PBX1: variants seen among roughly 807,000 people sequenced by gnomAD.
PBX1 encodes pre-B-cell leukemia transcription factor 1.
PBX1 carries 6 observed loss-of-function variants against 53.4 expected under a neutral mutation model. The observed-to-expected ratio is 0.11, with a 90% confidence interval of 0.06 to 0.22. The LOEUF (loss-of-function observed/expected upper bound fraction) is 0.22, where lower values mean the gene tolerates loss of function less well. PBX1 is among the 10% of genes least tolerant of loss of function. The pLI is 1.00. For missense variants in PBX1, 251 were observed against 551.4 expected, an observed-to-expected ratio of 0.46 and a Z score of 5.46; for synonymous variants, 204 against 212.3, an observed-to-expected ratio of 0.96 and a Z score of 0.34.
rs1312302678 is a variant in PBX1 at position 164,792,800 on chromosome 1, AC to A, written c.510+66del. 1.7e-4 allele frequency: 222 copies of A among 1,276,238 alleles called. No individual in the cohort carries two copies. The East Asian group carries it at 5.2e-3, about 30-fold the overall frequency. The allele number at this position is 1,276,238 out of a possible 1,614,324, so 79.1% of individuals were successfully genotyped here. On this transcript the variant is annotated intron_variant, in intron 3 of 8. Transcript: ENST00000420696. ...TTTAGGAAAGGGTGGAGGAAGCACA[AC>A]CCCGGGGCTTGCAGAGAGGAGCGGC... is the stretch of plus-strand genomic sequence containing the variant.
intron 2 of PBX1, among the ~76,000 whole-genome samples, chr1:164,625,131 G>C (rs980429430): frequency 1.3e-5 from 2 of 152,138 alleles, no homozygotes; most frequent in African/African-American, 4.8e-5. Flanking sequence ...CTGAATTCCA[G>C]AAACTTGATT....
In PBX1 at chr1:164,559,383, G is replaced by T. The variant is rs1057381999; in HGVS notation, c.-440G>T. 8.5e-5 allele frequency: 19 copies of T among 224,472 alleles called. No homozygotes were observed. The highest frequency in any genetic ancestry group is 1.4e-4 in the Non-Finnish European group (16 of 112,848). 13.9% of individuals were successfully genotyped at this position (224,472 alleles called of 1,614,324 possible). A position where few individuals can be genotyped will look rare whatever the true frequency, so the allele number is the denominator to read the frequency against. ...GGAAAGTTTGCATTGCAATCCCCCTGCCTTCCTCTCCTTTCTCCCGATCAA... is the reference window on the plus strand; with the variant it reads ...GGAAAGTTTGCATTGCAATCCCCCTTCCTTCCTCTCCTTTCTCCCGATCAA... On this transcript the variant is annotated 5_prime_UTR_variant, in exon 1 of 9. Coordinates refer to ENST00000420696, the MANE Select transcript of PBX1 (RefSeq NM_002585.4).
intron 2 of PBX1, among the ~76,000 whole-genome samples, chr1:164,569,863 T>A (rs1001057706): frequency 1.3e-5 from 2 of 152,148 alleles, no homozygotes; most frequent in African/African-American, 4.8e-5. Context: ...TGGCCCTGTT[T>A]CCCTTGCTAT....
At chr1:164,573,882 A>G (rs1337417572) in intron 2 of PBX1, among the ~76,000 whole-genome samples, 2 of 152,202 alleles carry the variant, frequency 1.3e-5, no homozygotes, top group Non-Finnish European at 2.9e-5. Flanking sequence ...GCCATAGAAT[A>G]GTTGTTCTGG....
intron 2 of PBX1, chr1:164,700,519 G>T: frequency 2.3e-5 from 23 of 985,340 alleles, no homozygotes; most frequent in Non-Finnish European, 2.8e-5. Flanking sequence ...GCAAATACTA[G>T]CTGTTTACCA....
intron 2 of PBX1, among the ~76,000 whole-genome samples, chr1:164,870,917 ACTC>A (rs1672368165): frequency 6.6e-6 from 1 of 151,696 alleles, no homozygotes; most frequent in South Asian, 2.1e-4. Context: ...AAACTCATCT[ACTC>A]CTCTATGGGA....
rs114144233 is a variant in PBX1, at chr1:164,797,512, G to C, written c.511-2187G>C. 1.9e-3 allele frequency among the ~76,000 whole-genome samples: 287 copies of C among 152,236 alleles called. 1 individual carries two copies. The highest frequency in any genetic ancestry group is 6.3e-3 in the African/African-American group (262 of 41,534). ...GGCTAGGGAATGAGCTTACTATATA[G>C]ATCTCGTGTTTATTTAGCACTTTTC... On this transcript the variant is annotated intron_variant, in intron 3 of 8. Transcript: ENST00000420696.
intron 2 of PBX1, among the ~76,000 whole-genome samples, chr1:164,582,440 G>A (rs77863156): frequency 1.1e-5 from 1 of 91,940 alleles, no homozygotes; most frequent in African/African-American, 4.2e-5. Context: ...TTTTTTTTTT[G>A]AGACGGAGTT....
At chr1:164,578,489 T>G (rs964158332) in intron 2 of PBX1, among the ~76,000 whole-genome samples, 1 of 152,248 alleles carries the variant, frequency 6.6e-6, no homozygotes, top group African/African-American at 2.4e-5. Context: ...GGTCTAATTA[T>G]TGCTTTAGCA....
At chr1:164,616,471 C>T (rs552538658) in intron 2 of PBX1, among the ~76,000 whole-genome samples, 3 of 152,252 alleles carry the variant, frequency 2.0e-5, no homozygotes, top group Admixed American at 2.0e-4. Flanking sequence ...GGTGTATCTC[C>T]CTTGAGAAAT....
intron 2 of PBX1, among the ~76,000 whole-genome samples, chr1:164,572,075 T>C (rs2101714639): frequency 6.6e-6 from 1 of 151,258 alleles, no homozygotes; most frequent in East Asian, 2.0e-4. Context: ...CCCAGCTGAT[T>C]TTTGTATTGT....
intron 2 of PBX1, among the ~76,000 whole-genome samples, chr1:164,691,196 G>A (rs988561386): frequency 2.0e-5 from 3 of 151,698 alleles, no homozygotes; most frequent in African/African-American, 7.3e-5. Flanking sequence ...TGTATTTTTT[G>A]TAGAGATGGG....
intron 2 of PBX1, among the ~76,000 whole-genome samples, chr1:164,593,638 G>T: frequency 1.5e-4 from 1 of 6,560 alleles, no homozygotes; most frequent in Admixed American, 4.0e-3. Context: ...GTGGGGGCTG[G>T]AAAAATAATA....
intron 6 of PBX1, among the ~76,000 whole-genome samples, 182 bp downstream of exon 6, chr1:164,812,331 C>G (rs564145005): frequency 1.3e-5 from 2 of 152,278 alleles, no homozygotes; most frequent in South Asian, 2.1e-4. Flanking sequence ...AAAGAGCAAT[C>G]TGTTAGACTT....
chr1:164,640,068 T>C (rs1780349), intron 2 of PBX1, among the ~76,000 whole-genome samples: 135,680 of 152,174 alleles, frequency 0.89, 62,651 homozygotes, highest in East Asian at 1. Flanking sequence ...CCAAGGAGTC[T>C]GAGCGTTCTA....
At chr1:164,585,830 A>G (rs73016985) in intron 2 of PBX1, among the ~76,000 whole-genome samples, 9 of 152,330 alleles carry the variant, frequency 5.9e-5, no homozygotes, top group South Asian at 2.1e-4. Flanking sequence ...TTTACATCCA[A>G]TGTTCATGGG....
At chr1:164,755,239 C>T (rs1314516155) in intron 2 of PBX1, among the ~76,000 whole-genome samples, 1 of 152,160 alleles carries the variant, frequency 6.6e-6, no homozygotes, top group East Asian at 1.9e-4. Context: ...TGACCTCCGC[C>T]TCCCGGTTTC....
At chr1:164,839,199 G>A (rs1671179807) in intron 8 of PBX1, among the ~76,000 whole-genome samples, 1 of 152,100 alleles carries the variant, frequency 6.6e-6, no homozygotes, top group Non-Finnish European at 1.5e-5. Context: ...CTGTCTCCTA[G>A]CACTTATTGC....
At chr1:164,728,792 C>T (rs1412235619) in intron 2 of PBX1, among the ~76,000 whole-genome samples, 1 of 152,186 alleles carries the variant, frequency 6.6e-6, no homozygotes, top group Non-Finnish European at 1.5e-5. Flanking sequence ...CTGCAGGATG[C>T]ATCTCTTTCC....
Sources: gnomAD v4.1 joint callset for allele counts (sites outside exome capture counted in the v4.1 genomes callset) on GRCh38, gnomAD v4.1.1 for gene constraint, MANE v1.5 for transcripts, NCBI Gene and HGNC (gene_info 2026-07-23, HGNC 2026-07-21) for gene names.